The following TAOK1 variants were observed in gnomAD, a reference collection of about 807,000 sequenced individuals.
TAOK1 encodes TAO kinase 1.
Under a neutral mutation model 138.3 loss-of-function variants are expected in TAOK1, and 21 were observed. That is an observed-to-expected ratio of 0.15 (90% CI 0.11 to 0.22). TAOK1 has a LOEUF of 0.22. Ranked by LOEUF, TAOK1 falls within the 10% of genes least tolerant of loss-of-function variation. The pLI, the probability that TAOK1 is intolerant of heterozygous loss-of-function variation, is 1.00. For synonymous variants in TAOK1, 361 were observed against 398.4 expected (o/e 0.91, Z 1.12); for missense variants, 651 against 1,227.7 (o/e 0.53, Z 7.02).
chr17:29,459,738 A>G (rs778148383), intron 2 of TAOK1, among the ~76,000 whole-genome samples: 1 of 152,138 alleles, frequency 6.6e-6, no homozygotes, highest in African/African-American at 2.4e-5. Context: ...TGATAATACT[A>G]ATTTCCTTTA....
rs114918822 is a variant in TAOK1 at position 29,463,828 on chromosome 17, C to G, written c.133-3317C>G. 4.9e-3 allele frequency among the ~76,000 whole-genome samples: 743 copies of G among 152,190 alleles called. 8 individuals are homozygous for G. The highest frequency in any genetic ancestry group is 0.017 in the African/African-American group (707 of 41,522). On this transcript the variant is annotated intron_variant, in intron 2 of 19. Transcript: ENST00000261716. The stretch of plus-strand genomic sequence containing the variant: ...TGCAAATGATATATCTGACAAGGGA[C>G]CTGGGTCTTGAATATATGAAGAACT...
intron 19 of TAOK1, among the ~76,000 whole-genome samples, chr17:29,538,976 G>A (rs2032268719): frequency 6.6e-6 from 1 of 152,114 alleles, no homozygotes; most frequent in South Asian, 2.1e-4. Flanking sequence ...TAAAATTTGG[G>A]GGTGGGTGCA....
chr17:29,490,433 A>T (rs1355881476), intron 9 of TAOK1, among the ~76,000 whole-genome samples: 1 of 152,148 alleles, frequency 6.6e-6, no homozygotes, highest in East Asian at 1.9e-4. Context: ...TTCTAGGGGG[A>T]TATTTAGCAT....
chr17:29,392,521 T>C (rs1242293699), intron 1 of TAOK1, among the ~76,000 whole-genome samples: 1 of 152,220 alleles, frequency 6.6e-6, no homozygotes, highest in Non-Finnish European at 1.5e-5. Context: ...TTGTTCTTAG[T>C]TGAGTAGAAA....
chr17:29,446,352 C>T (rs2030076925), intron 1 of TAOK1, among the ~76,000 whole-genome samples: 1 of 151,966 alleles, frequency 6.6e-6, no homozygotes, highest in African/African-American at 2.4e-5. Context: ...CGCCATTCTC[C>T]TCCCTCAGCC....
intron 1 of TAOK1, among the ~76,000 whole-genome samples, chr17:29,422,612 T>TA (rs1598474545): frequency 6.6e-6 from 1 of 152,228 alleles, no homozygotes; most frequent in East Asian, 1.9e-4. Context: ...TTACTTATAA[T>TA]AATCCCATAT....
At position 29,497,694 on chromosome 17, in the gene TAOK1, C is replaced by A. The variant is rs2031439566; in HGVS notation, c.1000-624C>A. ...GTGGTAAAAAGATAATCTAGAGTTC[C>A]CCAAAAACCTATTGAAATACAAAAA... is the stretch of plus-strand genomic sequence containing the variant. On this transcript the variant is annotated intron_variant, in intron 11 of 19. Transcript: ENST00000261716. 2.7e-5 allele frequency among the ~76,000 whole-genome samples: 4 copies of A among 146,484 alleles called. No homozygotes were observed. The South Asian group carries it at 6.4e-4, about 24-fold the overall frequency.
intron 1 of TAOK1, among the ~76,000 whole-genome samples, chr17:29,418,396 G>A (rs1390613508): frequency 6.6e-6 from 1 of 151,804 alleles, no homozygotes; most frequent in African/African-American, 2.4e-5. Context: ...TGTAGAAATA[G>A]GGTCTTGCAT....
In TAOK1 at chr17:29,522,423, T is replaced by G; in HGVS notation, c.2052T>G (p.Thr684=). ...RCELIRLQHQ[T]ELTNQLEYNK... is the part of the protein sequence containing the mutation. ...AGTTGATCAGATTACAGCATCAAAC[T>G]GAGCTCACTAACCAGCTGGAATATA... is the stretch of plus-strand genomic sequence containing the variant. Residue 684 remains threonine, a synonymous_variant, in exon 17 of 20, where the codon ACT becomes ACG. Coordinates refer to ENST00000261716, the MANE Select transcript of TAOK1 (RefSeq NM_020791.4). 6.2e-7 allele frequency: 1 copy of G among 1,614,152 alleles called. No homozygotes were observed. Among genetic ancestry groups the G allele is most frequent in the Non-Finnish European group, 8.5e-7 (1 of 1,180,036 alleles).
rs920284416 is a variant in TAOK1, at chr17:29,531,695, A to G, written c.2361+1076A>G. Among the ~76,000 whole-genome samples, 18 of 151,222 alleles carry G rather than the reference A, an allele frequency of 1.2e-4. No individual in the cohort carries two copies. In the South Asian group the frequency reaches 2.3e-3, roughly 20 times the overall value. On this transcript the variant is annotated intron_variant, in intron 18 of 19. Coordinates refer to ENST00000261716, the MANE Select transcript of TAOK1 (RefSeq NM_020791.4). Reference sequence around the variant, plus strand: ...GGAGAATCACCTGAACCCCGGGGGCAGAGGTTGCAGTGAGCCGAGATTGCG... The same window carrying G: ...GGAGAATCACCTGAACCCCGGGGGCGGAGGTTGCAGTGAGCCGAGATTGCG...
Position 29,543,203 on chromosome 17 carries a change from C to T in TAOK1, c.*181C>T, listed in dbSNP as rs772532856. 112 of 564,632 alleles carry T rather than the reference C, an allele frequency of 2.0e-4. No individual in the cohort carries two copies. Among genetic ancestry groups the T allele is most frequent in the Non-Finnish European group, 3.0e-4 (102 of 341,050 alleles). The allele number at this position is 564,632 out of a possible 1,614,324, so 35.0% of individuals were successfully genotyped here. On this transcript the variant is annotated 3_prime_UTR_variant, in exon 20 of 20. Transcript: ENST00000261716. Reference sequence around the variant, plus strand: ...GTTTACTAATTGGGATGTCATAGTACTTGGCTGCCGGGTTTGTTTGTTTTT... The same window carrying T: ...GTTTACTAATTGGGATGTCATAGTATTTGGCTGCCGGGTTTGTTTGTTTTT...
intron 1 of TAOK1, among the ~76,000 whole-genome samples, chr17:29,430,830 T>C (rs1207505796): frequency 6.6e-6 from 1 of 152,124 alleles, no homozygotes; most frequent in Non-Finnish European, 1.5e-5. Context: ...CTGTTGGAGA[T>C]CACGGAACTC....
chr17:29,540,190 C>T (rs2032292823), intron 19 of TAOK1, among the ~76,000 whole-genome samples: 1 of 152,128 alleles, frequency 6.6e-6, no homozygotes, highest in Non-Finnish European at 1.5e-5. Context: ...ATTAAAGAGG[C>T]ATTAGGCATT....
Position 29,480,465 on chromosome 17 carries a change from G to T in TAOK1, c.547G>T (p.Val183Leu). ...CATGGCATCACCTGCCAATTCCTTT[G>T]TGGGAACGCCGTATTGGTAAGAATA... ...ASMASPANSF[V>L]GTPYWMAPEV... The change falls in exon 7 of 20, where the codon GTG (valine) becomes TTG (leucine). Residue 183 changes from valine to leucine, a missense_variant. By Grantham distance (32) the Val-to-Leu change is conservative. Transcript: ENST00000261716. 1 of 1,612,960 alleles carries T rather than the reference G, an allele frequency of 6.2e-7. No homozygotes were observed. Among genetic ancestry groups the T allele is most frequent in the South Asian group, 1.1e-5 (1 of 90,928 alleles).
chr17:29,494,622 C>T (rs964948852), intron 10 of TAOK1, among the ~76,000 whole-genome samples: 4 of 151,932 alleles, frequency 2.6e-5, no homozygotes, highest in South Asian at 2.1e-4. Flanking sequence ...GTCAGGAGAT[C>T]GAGACCATCC....
intron 18 of TAOK1, among the ~76,000 whole-genome samples, chr17:29,531,384 A>ATTCTC (rs2032105481): frequency 6.6e-6 from 1 of 151,772 alleles, no homozygotes; most frequent in South Asian, 2.1e-4. Context: ...GTTCAAGGGG[A>ATTCTC]TTCTCCGTCC....
At chr17:29,402,448 A>G (rs191056037) in intron 1 of TAOK1, among the ~76,000 whole-genome samples, 1 of 152,166 alleles carries the variant, frequency 6.6e-6, no homozygotes, top group African/African-American at 2.4e-5. Flanking sequence ...GACTACAGTC[A>G]TGCGCCACCA....
intron 18 of TAOK1, among the ~76,000 whole-genome samples, chr17:29,532,389 C>CCCT (rs1567747054): frequency 1.1e-4 from 15 of 137,726 alleles, no homozygotes; most frequent in Admixed American, 3.1e-4. Context: ...GGGTGTTTCT[C>CCCT]GCAGAGGGGG....
chr17:29,541,349 A>T (rs1034805337), intron 19 of TAOK1, among the ~76,000 whole-genome samples: 1 of 149,904 alleles, frequency 6.7e-6, no homozygotes, highest in Non-Finnish European at 1.5e-5. Context: ...ACCTCAAGTG[A>T]TCTACCCGCC....
Sources: allele counts gnomAD v4.1 joint callset (sites outside exome capture counted in the v4.1 genomes callset), GRCh38; gene constraint gnomAD v4.1.1; transcripts MANE v1.5; gene names NCBI Gene and HGNC (gene_info 2026-07-23, HGNC 2026-07-21).